NME6: variants seen among roughly 807,000 people sequenced by gnomAD.
The protein encoded by NME6 is NME/NM23 nucleoside diphosphate kinase 6, also known as nucleoside diphosphate kinase 6, mitochondrial.
In NME6, 16 loss-of-function variants were observed where a neutral mutation model predicts 22.2. The observed-to-expected ratio is 0.72, with a 90% CI of 0.49 to 1.09. The LOEUF is 1.09. NME6 is among the 50% of genes least tolerant of loss of function. The pLI is 0.00. For synonymous variants in NME6, 58 were observed against 85.2 expected, an observed-to-expected ratio of 0.68 and a Z score of 1.76; for missense variants, 229 against 239.0, an observed-to-expected ratio of 0.96 and a Z score of 0.28.
At position 48,298,478 on chromosome 3, in the gene NME6, G is replaced by A. The variant is rs1442973826; in HGVS notation, c.39C>T (p.Leu13=). ...SILRSPQALQ[L]TLALIKPDAV... ...CGTCAGGCTTGATCAGGGCTAGAGTGAGCTGGAGAGCCTGAGGGCTTCGCA... is the reference window on the plus strand; with the variant it reads ...CGTCAGGCTTGATCAGGGCTAGAGTAAGCTGGAGAGCCTGAGGGCTTCGCA... Residue 13 remains leucine (L), a synonymous_variant, in exon 2 of 6, where the codon CTC becomes CTT. Coordinates refer to ENST00000442597, the MANE Select transcript of NME6 (RefSeq NM_001308426.2). 5.0e-6 allele frequency: 8 copies of A among 1,612,146 alleles called. No homozygotes were observed. The highest frequency in any genetic ancestry group is 1.6e-4 in the Middle Eastern group (1 of 6,068).
At chr3:48,289,265 T>C (rs2106871348), downstream of NME6, among the ~76,000 whole-genome samples, 1 of 152,208 alleles carries the variant, frequency 6.6e-6, no homozygotes, top group South Asian at 2.1e-4. Flanking sequence ...GGTTTCACCA[T>C]GTTGGTCAGG....
At position 48,294,718 on chromosome 3, in the gene NME6, C is replaced by T; in HGVS notation, c.480G>A (p.Gln160=). 6.2e-7 allele frequency: 1 copy of T among 1,614,192 alleles called. No homozygotes were observed. Among genetic ancestry groups the T allele is most frequent in the Non-Finnish European group, 8.5e-7 (1 of 1,180,030 alleles). The change falls in exon 6 of 6, where the codon CAG becomes CAA. Residue 160 remains glutamine (Q), a synonymous_variant. Transcript: ENST00000442597. ...EQRWYEEEEP[Q]LRCGPVCYSP... is the part of the protein sequence containing the mutation. ...TATAGCACACAGGGCCACAGCGCAACTGGGGCTCTTCCTCCTCATACCAGC... is the reference window on the plus strand; with the variant it reads ...TATAGCACACAGGGCCACAGCGCAATTGGGGCTCTTCCTCCTCATACCAGC...
Sources: gnomAD v4.1 joint callset for allele counts (sites outside exome capture counted in the v4.1 genomes callset) on GRCh38, gnomAD v4.1.1 for gene constraint, MANE v1.5 for transcripts, NCBI Gene and HGNC (gene_info 2026-07-23, HGNC 2026-07-21) for gene names.